BCAS3: variants seen among roughly 807,000 people sequenced by gnomAD.
BCAS3 encodes the protein BCAS3 microtubule associated cell migration factor, also known as BCAS4/BCAS3 fusion.
Under a neutral mutation model 116.1 loss-of-function variants are expected in BCAS3, and 53 were observed. That is an observed-to-expected ratio of 0.46 (90% CI 0.37 to 0.57). The LOEUF (loss-of-function observed/expected upper bound fraction) is 0.57. Among genes scored for constraint, BCAS3 ranks in the 20% least tolerant of loss-of-function variants. The pLI, the probability that BCAS3 is intolerant of heterozygous loss-of-function variation, is 0.00. For missense variants in BCAS3, 917 were observed against 1,165.4 expected, an observed-to-expected ratio of 0.79 and a Z score of 3.10; for synonymous variants, 391 against 408.2, an observed-to-expected ratio of 0.96 and a Z score of 0.51.
chr17:60,861,515 T>C (rs1353255717), intron 7 of BCAS3, among the ~76,000 whole-genome samples: 3 of 152,204 alleles, frequency 2.0e-5, no homozygotes, highest in African/African-American at 4.8e-5. Context: ...TGGCTGGGAC[T>C]TCCAGAACTG....
rs1014085996 is a variant in BCAS3 at position 61,028,671 on chromosome 17, G to A, written c.1638-5995G>A. On this transcript the variant is annotated intron_variant, in intron 16 of 23. Coordinates refer to ENST00000407086, the MANE Select transcript of BCAS3 (RefSeq NM_017679.5). The surrounding 1 kb of genome is among the most constrained non-coding windows in gnomAD (Gnocchi z 4.3). ...ACGTGCTCCTCACATTTAAGCAAAAGCACTTGTCAACCAGAAATGATTTGA... is the reference window on the plus strand; with the variant it reads ...ACGTGCTCCTCACATTTAAGCAAAAACACTTGTCAACCAGAAATGATTTGA... Among the ~76,000 whole-genome samples the A allele has an allele frequency of 1.3e-5, 2 of 151,844 alleles. No homozygotes were observed. The highest frequency in any genetic ancestry group is 4.8e-5 in the African/African-American group (2 of 41,418).
At chr17:61,252,237 C>A (rs1849283456) in intron 22 of BCAS3, among the ~76,000 whole-genome samples, 1 of 151,500 alleles carries the variant, frequency 6.6e-6, no homozygotes, top group Non-Finnish European at 1.5e-5. Flanking sequence ...AGAAGGAGTC[C>A]AGTTCTCTTT....
At chr17:61,287,772 T>C (rs1447194683) in intron 22 of BCAS3, among the ~76,000 whole-genome samples, 1 of 152,100 alleles carries the variant, frequency 6.6e-6, no homozygotes, top group East Asian at 1.9e-4. Flanking sequence ...GCCAAAAAAG[T>C]ACACTTATTA....
Position 61,365,274 on chromosome 17 carries a change from C to G in BCAS3, c.2426-3053C>G, listed in dbSNP as rs1017848617. 3.3e-5 allele frequency among the ~76,000 whole-genome samples: 5 copies of G among 152,174 alleles called. No homozygotes were observed. The highest frequency in any genetic ancestry group is 2.4e-5 in the African/African-American group (1 of 41,444). ...CATATTCCTCTGGCCTTTACCATCT[C>G]TTATGGACTGGGCCCAACATCTTAC... On this transcript the variant is annotated intron_variant, in intron 22 of 23. Coordinates refer to ENST00000407086, the MANE Select transcript of BCAS3 (RefSeq NM_017679.5). This position sits in a 1 kb window ranked among gnomAD's most constrained non-coding sequence, Gnocchi z 4.6.
At position 61,183,242 on chromosome 17, in the gene BCAS3, C is replaced by T. The variant is rs1355602802; in HGVS notation, c.2425+98678C>T. Among the ~76,000 whole-genome samples the T allele has an allele frequency of 2.0e-5, 3 of 152,122 alleles. No individual in the cohort carries two copies. The East Asian group carries it at 5.8e-4, about 29-fold the overall frequency. ...CTTTAAAATTTGCCATTTTGTTTGT[C>T]AGTTACCAAATTGTCCACTCTGGGA... On this transcript the variant is annotated intron_variant, in intron 22 of 23. Coordinates refer to ENST00000407086, the MANE Select transcript of BCAS3 (RefSeq NM_017679.5).
At chr17:61,234,399 T>G (rs1431970400) in intron 22 of BCAS3, among the ~76,000 whole-genome samples, 1 of 152,214 alleles carries the variant, frequency 6.6e-6, no homozygotes, top group Admixed American at 6.5e-5. Context: ...GTACTCTGTT[T>G]TCCACCTGTC....
Position 61,309,296 on chromosome 17 carries a change from C to T in BCAS3, c.2426-59031C>T, listed in dbSNP as rs576381348. On this transcript the variant is annotated intron_variant, in intron 22 of 23. Transcript: ENST00000407086. This position sits in a 1 kb window ranked among gnomAD's most constrained non-coding sequence, Gnocchi z 4.6. Reference sequence around the variant, plus strand: ...GACCCAGAGTCCCCTTTCGTCCTCCCCATTCATTCTAGGGTAATAAGGGCT... The same window carrying T: ...GACCCAGAGTCCCCTTTCGTCCTCCTCATTCATTCTAGGGTAATAAGGGCT... Among the ~76,000 whole-genome samples the T allele has an allele frequency of 6.6e-6, 1 of 152,132 alleles. No homozygotes were observed. Among genetic ancestry groups the T allele is most frequent in the Non-Finnish European group, 1.5e-5 (1 of 68,016 alleles).
chr17:60,714,764 T>A (rs548081884), intron 5 of BCAS3, among the ~76,000 whole-genome samples: 1 of 152,100 alleles, frequency 6.6e-6, no homozygotes, highest in East Asian at 1.9e-4. Flanking sequence ...GGAACTTAGA[T>A]GATGTCTAGG....
Position 60,740,751 on chromosome 17 carries a change from G to A in BCAS3, c.322-6447G>A, listed in dbSNP as rs556453948. Among the ~76,000 whole-genome samples, 119 of 152,020 alleles carry A rather than the reference G, an allele frequency of 7.8e-4. 1 individual carries two copies. The highest frequency in any genetic ancestry group is 1.5e-3 in the Non-Finnish European group (99 of 68,030). On this transcript the variant is annotated intron_variant, in intron 5 of 23. Coordinates refer to ENST00000407086, the MANE Select transcript of BCAS3 (RefSeq NM_017679.5). ...GATTTGGGTATTTACCTTTCCCCAG[G>A]TAGGTTAAGCTCTGATATAACCCCA...
chr17:61,243,563 G>T lies in BCAS3; in HGVS notation c.2426-124764G>T, dbSNP rs2047695203. ...TTTAATTTTTTGAGGAATGTCATAA[G>T]TGTGTCTCAAGAAAATATAAAGACA... On this transcript the variant is annotated intron_variant, in intron 22 of 23. Transcript: ENST00000407086. The surrounding 1 kb of genome is among the most constrained non-coding windows in gnomAD (Gnocchi z 5.6). 6.6e-6 allele frequency among the ~76,000 whole-genome samples: 1 copy of T among 152,176 alleles called. No homozygotes were observed. The highest frequency in any genetic ancestry group is 1.5e-5 in the Non-Finnish European group (1 of 68,038).
intron 19 of BCAS3, among the ~76,000 whole-genome samples, chr17:61,050,382 A>G (rs1027602030): frequency 1.3e-5 from 2 of 151,982 alleles, no homozygotes; most frequent in African/African-American, 2.4e-5. Flanking sequence ...TGTTTTTAAT[A>G]TATACTGTGT....
chr17:61,346,453 G>A lies in BCAS3; in HGVS notation c.2426-21874G>A, dbSNP rs780666445. Among the ~76,000 whole-genome samples the A allele has an allele frequency of 4.6e-5, 7 of 152,192 alleles. No individual in the cohort carries two copies. The highest frequency in any genetic ancestry group is 8.8e-5 in the Non-Finnish European group (6 of 68,026). On this transcript the variant is annotated intron_variant, in intron 22 of 23. Coordinates refer to ENST00000407086, the MANE Select transcript of BCAS3 (RefSeq NM_017679.5). This position sits in a 1 kb window ranked among gnomAD's most constrained non-coding sequence, Gnocchi z 5.4. ...TTATACCTCAGCTTCTTTCTGAAAC[G>A]GAAGAGCTGCCTGGGGCTGTTGTGA...
chr17:61,249,993 AC>A lies in BCAS3; in HGVS notation c.2426-118332del, dbSNP rs762415002. On this transcript the variant is annotated intron_variant, in intron 22 of 23. Transcript: ENST00000407086. This position sits in a 1 kb window ranked among gnomAD's most constrained non-coding sequence, Gnocchi z 6.2. Reference sequence around the variant, plus strand: ...CTTAAAGAGGATCAGAAAACAAGATACCAAATAAGAGCAGCCATTGTAAAAC... The same window carrying A: ...CTTAAAGAGGATCAGAAAACAAGATACAAATAAGAGCAGCCATTGTAAAAC... Among the ~76,000 whole-genome samples the A allele has an allele frequency of 8.8e-4, 134 of 152,194 alleles. No homozygotes were observed. The highest frequency in any genetic ancestry group is 1.7e-3 in the Non-Finnish European group (118 of 68,032).
At chr17:61,172,529 C>A (rs548785939) in intron 22 of BCAS3, among the ~76,000 whole-genome samples, 1 of 151,538 alleles carries the variant, frequency 6.6e-6, no homozygotes, top group African/African-American at 2.4e-5. Context: ...CCTAGCTACT[C>A]GGGAGGCTGA....
chr17:61,086,832 T>C, intron 22 of BCAS3: 10 of 985,440 alleles, frequency 1.0e-5, no homozygotes, highest in Non-Finnish European at 1.2e-5. Context: ...TGAGTAATTC[T>C]CTCTTCAGCT....
chr17:61,273,862 TA>T (rs931301292), intron 22 of BCAS3, among the ~76,000 whole-genome samples: 1 of 151,624 alleles, frequency 6.6e-6, no homozygotes. Flanking sequence ...TTTTTATTTT[TA>T]GAAGTTATGT....
rs546252310 is a variant in BCAS3 at position 60,928,249 on chromosome 17, G to A, written c.1087+3749G>A. On this transcript the variant is annotated intron_variant, in intron 13 of 23. Coordinates refer to ENST00000407086, the MANE Select transcript of BCAS3 (RefSeq NM_017679.5). ...ACAGCATGCTAGGGGATAAATATTA[G>A]CCTGGTTTTGGAGATAGTTCTTCAA... Among the ~76,000 whole-genome samples, 9 of 152,276 alleles carry A rather than the reference G, an allele frequency of 5.9e-5. No individual in the cohort carries two copies. In the South Asian group the frequency reaches 8.3e-4, roughly 14 times the overall value.
In BCAS3 at chr17:61,041,063, A is replaced by G. The variant is rs191965570; in HGVS notation, c.2029+171A>G. On this transcript the variant is annotated intron_variant, in intron 19 of 23. Coordinates refer to ENST00000407086, the MANE Select transcript of BCAS3 (RefSeq NM_017679.5). This position sits in a 1 kb window ranked among gnomAD's most constrained non-coding sequence, Gnocchi z 4.7. Reference sequence around the variant, plus strand: ...GAATATAAACTGTAAGCCTTAGTATACATTATGTCTCTGACTGCTTATATT... The same window carrying G: ...GAATATAAACTGTAAGCCTTAGTATGCATTATGTCTCTGACTGCTTATATT... Among the ~76,000 whole-genome samples the G allele has an allele frequency of 1.5e-4, 23 of 152,236 alleles. 1 individual carries two copies. The highest frequency in any genetic ancestry group is 1.5e-3 in the Admixed American group (23 of 15,286).
chr17:61,086,865 C>A, intron 22 of BCAS3: 1 of 985,260 alleles, frequency 1.0e-6, no homozygotes, highest in Non-Finnish European at 1.2e-6. Flanking sequence ...GTTCAGATCC[C>A]TTTTGAATGA....
Sources: gnomAD v4.1 joint callset for allele counts (sites outside exome capture counted in the v4.1 genomes callset) on GRCh38, gnomAD v4.1.1 for gene constraint, Gnocchi (gnomAD v3.1) non-coding constraint, MANE v1.5 for transcripts, NCBI Gene and HGNC (gene_info 2026-07-23, HGNC 2026-07-21) for gene names.